The following HNF4A variants were observed in gnomAD, a reference collection of about 807,000 sequenced individuals.
HNF4A encodes hepatocyte nuclear factor 4 alpha, also known as hepatocyte nuclear factor 4-alpha.
A neutral mutation model predicts 52.4 loss-of-function variants in HNF4A; 15 were observed. That is an observed-to-expected ratio of 0.29 (90% CI 0.19 to 0.44). The LOEUF (loss-of-function observed/expected upper bound fraction) is 0.44. Ranked by LOEUF, HNF4A falls within the 20% of genes least tolerant of loss-of-function variation. The pLI is 1.00. For synonymous variants in HNF4A, 280 were observed against 264.4 expected (o/e 1.06, Z -0.57); for missense variants, 479 against 647.2 (o/e 0.74, Z 2.82).
At chr20:44,370,407 A>G (rs555718885) in intron 1 of HNF4A, among the ~76,000 whole-genome samples, 32 of 152,316 alleles carry the variant, frequency 2.1e-4, no homozygotes, top group Admixed American at 5.9e-4. Context: ...TCTCTCTGCC[A>G]GGAATGCCTC....
intron 2 of HNF4A, 27 bp downstream of exon 2, chr20:44,406,259 G>T: frequency 6.2e-7 from 1 of 1,605,876 alleles, no homozygotes. Context: ...TCTTCAGCTG[G>T]GAAATGGGCA....
In HNF4A at chr20:44,429,806, A is replaced by G. The variant is rs1257472288; in HGVS notation, c.*141A>G. The G allele has an allele frequency of 1.2e-6, 1 of 865,472 alleles. No homozygotes were observed. Among genetic ancestry groups the G allele is most frequent in the East Asian group, 2.5e-5 (1 of 39,766 alleles). The allele number at this position is 865,472 out of a possible 1,614,324, so 53.6% of individuals were successfully genotyped here. On this transcript the variant is annotated 3_prime_UTR_variant, in exon 10 of 10. Transcript: ENST00000316099. ...GAATGGGAAGGATGAAGGGCCCGAG[A>G]ACATGGCCTAAGGGCCACATCCCAC...
chr20:44,389,422 A>G (rs2063274959), intron 1 of HNF4A, among the ~76,000 whole-genome samples: 1 of 152,228 alleles, frequency 6.6e-6, no homozygotes, highest in South Asian at 2.1e-4. Context: ...AGCAGGTCCC[A>G]TGCATTATTT....
At chr20:44,358,016 C>T (rs1275670796) in intron 1 of HNF4A, among the ~76,000 whole-genome samples, 3 of 150,746 alleles carry the variant, frequency 2.0e-5, no homozygotes, top group African/African-American at 7.3e-5. Context: ...GGCAGTGGAA[C>T]ATTCACTGCA....
rs758856937 is a variant in HNF4A, at chr20:44,413,804, C to T, written c.492+4C>T. Reference sequence around the variant, plus strand: ...GGCGGAGGTCCTGTCCCGACAGGTACCGGGGTGATCCTGCCACCCACCCAG... The same window carrying T: ...GGCGGAGGTCCTGTCCCGACAGGTATCGGGGTGATCCTGCCACCCACCCAG... On this transcript the variant is annotated splice_donor_region_variant and intron_variant, in intron 4 of 9. Transcript: ENST00000316099. 1 of 1,596,740 alleles carries T rather than the reference C, an allele frequency of 6.3e-7. No homozygotes were observed. Among genetic ancestry groups the T allele is most frequent in the East Asian group, 2.2e-5 (1 of 44,738 alleles).
intron 7 of HNF4A, 151 bp from the exon 8 acceptor site, chr20:44,423,867 C>T (rs1600742541): frequency 1.3e-5 from 9 of 700,412 alleles, no homozygotes; most frequent in Non-Finnish European, 1.8e-5. Context: ...TTCATGCTGG[C>T]GTACCCTGGT....
chr20:44,378,451 A>G (rs2063110907), intron 1 of HNF4A, among the ~76,000 whole-genome samples: 2 of 151,938 alleles, frequency 1.3e-5, no homozygotes, highest in Non-Finnish European at 2.9e-5. Context: ...TATTTTTAGT[A>G]GAGACAGGGT....
At chr20:44,405,990 G>T (rs370972435) in intron 1 of HNF4A, 68 bp from the exon 2 acceptor site, 10 of 1,485,792 alleles carry the variant, frequency 6.7e-6, no homozygotes, top group East Asian at 2.3e-5. Context: ...AGAGATCCCC[G>T]CAAGGCTCCC....
In HNF4A at chr20:44,401,353, G is replaced by A. The variant is rs755924647; in HGVS notation, c.-20G>A. 33 of 1,613,766 alleles carry A rather than the reference G, an allele frequency of 2.0e-5. No homozygotes were observed. The highest frequency in any genetic ancestry group is 6.7e-5 in the African/African-American group (5 of 74,916). The stretch of plus-strand genomic sequence containing the variant: ...GGCGCCCAGGGTAGGGCAGGTGGCC[G>A]CGGCGTGGAGGCAGGGAGAATGCGA... On this transcript the variant is annotated 5_prime_UTR_variant, in exon 1 of 10. Transcript: ENST00000316099.
chr20:44,419,941 T>G, intron 7 of HNF4A, 65 bp downstream of exon 7: 2 of 1,518,784 alleles, frequency 1.3e-6, no homozygotes, highest in Non-Finnish European at 1.8e-6. Context: ...AGACTTCTCC[T>G]ATTGGGTTCT....
chr20:44,382,300 G>A (rs544742629), intron 1 of HNF4A, among the ~76,000 whole-genome samples: 246 of 150,402 alleles, frequency 1.6e-3, no homozygotes, highest in Non-Finnish European at 1.6e-3. Context: ...GTGCGGTGGC[G>A]AGATCTCGGC....
chr20:44,370,066 A>G (rs993812047), intron 1 of HNF4A, among the ~76,000 whole-genome samples: 3 of 151,092 alleles, frequency 2.0e-5, no homozygotes, highest in Non-Finnish European at 2.9e-5. Context: ...TCACTCTTTC[A>G]CCCAGGCTGG....
At chr20:44,359,859 T>C (rs552429828) in intron 1 of HNF4A, among the ~76,000 whole-genome samples, 1 of 152,256 alleles carries the variant, frequency 6.6e-6, no homozygotes, top group South Asian at 2.1e-4. Flanking sequence ...TCTTGTGTTG[T>C]TCTGCTTTGA....
chr20:44,413,842 C>G, intron 4 of HNF4A, 42 bp downstream of exon 4: 1 of 1,352,686 alleles, frequency 7.4e-7, no homozygotes, highest in Non-Finnish European at 1.0e-6. Context: ...ATCCCCCACA[C>G]TACAGAGGAG....
intron 1 of HNF4A, among the ~76,000 whole-genome samples, chr20:44,394,227 A>T (rs77769523): frequency 6.6e-6 from 1 of 152,064 alleles, no homozygotes; most frequent in Non-Finnish European, 1.5e-5. Context: ...CTTTCAAGAC[A>T]TTGCCCGGGT....
At chr20:44,399,701 C>G (rs766338025), upstream of HNF4A, among the ~76,000 whole-genome samples, 5 of 152,322 alleles carry the variant, frequency 3.3e-5, no homozygotes, top group Admixed American at 2.6e-4. Context: ...CATTTGCTCA[C>G]TTACTCAGTA....
chr20:44,423,352 A>AC (rs1299135271), intron 7 of HNF4A, among the ~76,000 whole-genome samples: 1 of 152,078 alleles, frequency 6.6e-6, no homozygotes, highest in Non-Finnish European at 1.5e-5. Flanking sequence ...GGCAAATAAG[A>AC]CATACGCGTG....
upstream of HNF4A, among the ~76,000 whole-genome samples, chr20:44,400,219 G>T (rs1354069117): frequency 6.6e-6 from 1 of 152,126 alleles, no homozygotes; most frequent in Non-Finnish European, 1.5e-5. Flanking sequence ...CAGGAACCAG[G>T]ACTTTCTAAG....
At position 44,407,154 on chromosome 20, in the gene HNF4A, A is replaced by C. The variant is rs138111784; in HGVS notation, c.291-227A>C. Among the ~76,000 whole-genome samples, 267 of 152,290 alleles carry C rather than the reference A, an allele frequency of 1.8e-3. 2 individuals are homozygous for C. The highest frequency in any genetic ancestry group is 0.015 in the South Asian group (70 of 4,826). ...AACCAGCAGAGCGACCCAGGACCACATGTTGCCTCTCTGAGCCTCAGTTTT... is the reference window on the plus strand; with the variant it reads ...AACCAGCAGAGCGACCCAGGACCACCTGTTGCCTCTCTGAGCCTCAGTTTT... On this transcript the variant is annotated intron_variant, in intron 2 of 9. Transcript: ENST00000316099.
Sources: allele counts gnomAD v4.1 joint callset (sites outside exome capture counted in the v4.1 genomes callset), GRCh38; gene constraint gnomAD v4.1.1; transcripts MANE v1.5; gene names NCBI Gene and HGNC (gene_info 2026-07-23, HGNC 2026-07-21).